The following ANKFN1 variants were observed in gnomAD, a reference collection of about 807,000 sequenced individuals.
ANKFN1 encodes ankyrin repeat and fibronectin type-III domain-containing protein 1.
ANKFN1 carries 74 observed loss-of-function variants against 108.7 expected under a neutral mutation model. The ratio of observed to expected loss-of-function variants is 0.68; its 90% confidence interval spans 0.56 to 0.83. ANKFN1 has a LOEUF of 0.83. ANKFN1 is among the 40% of genes least tolerant of loss of function. The pLI, the probability that ANKFN1 is intolerant of heterozygous loss-of-function variation, is 0.00. For missense variants in ANKFN1, 1,505 were observed against 1,382.3 expected (o/e 1.09, Z -1.41); for synonymous variants, 547 against 516.2 (o/e 1.06, Z -0.81).
intron 4 of ANKFN1, among the ~76,000 whole-genome samples, chr17:56,141,870 C>T (rs1417587202): frequency 6.6e-6 from 1 of 151,746 alleles, no homozygotes; most frequent in Non-Finnish European, 1.5e-5. Context: ...CACTTCTAAC[C>T]ACACATCAGT....
At chr17:56,431,172 G>A (rs2048741934) in intron 8 of ANKFN1, among the ~76,000 whole-genome samples, 1 of 152,172 alleles carries the variant, frequency 6.6e-6, no homozygotes, top group African/African-American at 2.4e-5. Context: ...GAAGGATCAA[G>A]AACTTCCAGA....
Position 56,111,282 on chromosome 17 carries a change from T to C in ANKFN1, c.288+64957T>C, listed in dbSNP as rs200136572. Among the ~76,000 whole-genome samples the C allele has an allele frequency of 1.8e-4, 27 of 152,298 alleles. No individual in the cohort carries two copies. The East Asian group carries it at 3.9e-3, about 22-fold the overall frequency. On this transcript the variant is annotated intron_variant, in intron 4 of 12. Transcript: ENST00000635860. Reference sequence around the variant, plus strand: ...TAAGGAGTGATCACTTTCTCCCTGGTTAACTGGACCCTGGTCTGCAGAGAA... The same window carrying C: ...TAAGGAGTGATCACTTTCTCCCTGGCTAACTGGACCCTGGTCTGCAGAGAA...
intron 1 of ANKFN1, among the ~76,000 whole-genome samples, chr17:56,170,434 A>G (rs1265220131): frequency 6.6e-6 from 1 of 152,070 alleles, no homozygotes; most frequent in African/African-American, 2.4e-5. Flanking sequence ...AAGTATCGGG[A>G]TGTGTTTAAT....
chr17:56,439,992 T>A (rs2049045988), intron 8 of ANKFN1, among the ~76,000 whole-genome samples: 1 of 152,092 alleles, frequency 6.6e-6, no homozygotes, highest in African/African-American at 2.4e-5. Context: ...ATGGCAATGG[T>A]CTCATGAGCA....
Position 56,054,225 on chromosome 17 carries a change from G to A in ANKFN1, c.288+7900G>A, listed in dbSNP as rs547743701. On this transcript the variant is annotated intron_variant, in intron 4 of 12. Transcript: ENST00000635860. ...ATCCAGCAATCCCACTACTGGGTAT[G>A]TACCCAAAGGAAAATAATTCATTAT... Among the ~76,000 whole-genome samples, 9 of 152,320 alleles carry A rather than the reference G, an allele frequency of 5.9e-5. No homozygotes were observed. In the South Asian group the frequency reaches 1.9e-3, roughly 32 times the overall value.
At chr17:56,379,210 A>G (rs11654893) in intron 8 of ANKFN1, among the ~76,000 whole-genome samples, 88,412 of 151,862 alleles carry the variant, frequency 0.58, 28,865 homozygotes, top group East Asian at 0.96. Context: ...CATCCTGGCT[A>G]ACACAGTGAA....
Position 56,380,816 on chromosome 17 carries a change from A to G in ANKFN1, c.910+6102A>G, listed in dbSNP as rs1010598862. 8.5e-5 allele frequency among the ~76,000 whole-genome samples: 13 copies of G among 152,372 alleles called. No individual in the cohort carries two copies. In the East Asian group the frequency reaches 2.5e-3, roughly 29 times the overall value. On this transcript the variant is annotated intron_variant, in intron 8 of 20. Coordinates refer to ENST00000682825, the MANE Select transcript of ANKFN1 (RefSeq NM_001370326.1). Reference sequence around the variant, plus strand: ...ACTGGGTGGAGCCCACCACAGCTCAAGGAGGCCTGCCTGCCTCTGTAGGCT... The same window carrying G: ...ACTGGGTGGAGCCCACCACAGCTCAGGGAGGCCTGCCTGCCTCTGTAGGCT...
In ANKFN1 at chr17:56,186,075, C is replaced by T. The variant is rs554982239; in HGVS notation, c.-70-26523C>T. Among the ~76,000 whole-genome samples the T allele has an allele frequency of 5.9e-5, 9 of 152,246 alleles. No individual in the cohort carries two copies. The South Asian group carries it at 6.2e-4, about 11-fold the overall frequency. Reference sequence around the variant, plus strand: ...GCAGTTACAAATAATGCCATCTCCCCGCTTTCTACTTTTGTTTTGTTTTAC... The same window carrying T: ...GCAGTTACAAATAATGCCATCTCCCTGCTTTCTACTTTTGTTTTGTTTTAC... On this transcript the variant is annotated intron_variant, in intron 1 of 20. Coordinates refer to ENST00000682825, the MANE Select transcript of ANKFN1 (RefSeq NM_001370326.1).
intron 2 of ANKFN1, among the ~76,000 whole-genome samples, chr17:56,221,282 G>GACTTAA (rs201636674): frequency 0.12 from 18,907 of 152,146 alleles, 1,594 homozygotes; most frequent in African/African-American, 0.23. Flanking sequence ...TGCAACACTG[G>GACTTAA]AGATTACATT....
chr17:56,264,264 G>A (rs543421889), intron 3 of ANKFN1, among the ~76,000 whole-genome samples: 1 of 152,304 alleles, frequency 6.6e-6, no homozygotes, highest in East Asian at 1.9e-4. Context: ...ATATGCTGGA[G>A]CCTCTTCTCC....
intron 4 of ANKFN1, among the ~76,000 whole-genome samples, chr17:56,333,906 G>A (rs2045733272): frequency 6.6e-6 from 1 of 152,080 alleles, no homozygotes. Flanking sequence ...TAGCCAAGTT[G>A]TAGAGACCAG....
intron 4 of ANKFN1, among the ~76,000 whole-genome samples, chr17:56,134,159 A>G (rs1218983024): frequency 6.6e-6 from 1 of 152,206 alleles, no homozygotes; most frequent in Non-Finnish European, 1.5e-5. Context: ...GATATAATAA[A>G]GAATATAGAT....
At chr17:56,228,959 A>G (rs1391018328) in intron 3 of ANKFN1, among the ~76,000 whole-genome samples, 2 of 152,108 alleles carry the variant, frequency 1.3e-5, no homozygotes, top group Admixed American at 6.6e-5. Flanking sequence ...GTTCTAATAA[A>G]TTCTCTTTTG....
At chr17:56,457,464 T>C in intron 13 of ANKFN1, 75 bp downstream of exon 13, 1 of 1,438,824 alleles carries the variant, frequency 7.0e-7, no homozygotes. Context: ...AAACATTAGT[T>C]GAGGGGTCTC....
At chr17:56,384,350 T>G (rs2144833971) in intron 8 of ANKFN1, among the ~76,000 whole-genome samples, 1 of 152,272 alleles carries the variant, frequency 6.6e-6, no homozygotes, top group East Asian at 1.9e-4. Context: ...GAGCTATCTA[T>G]GACAAACCCA....
At chr17:56,135,552 G>A (rs1348883585) in intron 4 of ANKFN1, among the ~76,000 whole-genome samples, 1 of 152,148 alleles carries the variant, frequency 6.6e-6, no homozygotes, top group African/African-American at 2.4e-5. Flanking sequence ...AATATACAGA[G>A]CACTTTTAAG....
chr17:56,166,716 C>G (rs958005364), intron 1 of ANKFN1, among the ~76,000 whole-genome samples: 2 of 152,116 alleles, frequency 1.3e-5, no homozygotes, highest in African/African-American at 4.8e-5. Context: ...TCCACTCTCC[C>G]TTGAAGCTGG....
intron 6 of ANKFN1, among the ~76,000 whole-genome samples, chr17:56,358,846 G>A (rs1045892834): frequency 6.6e-6 from 1 of 152,104 alleles, no homozygotes; most frequent in Non-Finnish European, 1.5e-5. Flanking sequence ...ATCAAAGAAA[G>A]ACTTGTTGTC....
chr17:56,371,660 C>T (rs1009059733), intron 6 of ANKFN1, among the ~76,000 whole-genome samples: 1 of 152,170 alleles, frequency 6.6e-6, no homozygotes, highest in African/African-American at 2.4e-5. Context: ...CATGCTGAGG[C>T]TCTTTTATCA....
Sources: gnomAD v4.1 joint callset for allele counts (sites outside exome capture counted in the v4.1 genomes callset) on GRCh38, gnomAD v4.1.1 for gene constraint, MANE v1.5 for transcripts, NCBI Gene and HGNC (gene_info 2026-07-23, HGNC 2026-07-21) for gene names.